PLXNA4: variants seen among roughly 807,000 people sequenced by gnomAD.
PLXNA4 encodes plexin A4.
In PLXNA4, 44 loss-of-function variants were observed where a neutral mutation model predicts 191.8. The ratio of observed to expected loss-of-function variants is 0.23; its 90% CI spans 0.18 to 0.29. The LOEUF (loss-of-function observed/expected upper bound fraction) is 0.29. PLXNA4 is among the 10% of genes least tolerant of loss of function. The probability of loss-of-function intolerance (pLI) is 1.00; values close to 1 mark genes in which losing one functional copy is unlikely to be tolerated. For synonymous variants in PLXNA4, 1,082 were observed against 1,009.5 expected, an observed-to-expected ratio of 1.07 and a Z score of -1.36; for missense variants, 1,800 against 2,488.8, an observed-to-expected ratio of 0.72 and a Z score of 5.89.
chr7:132,491,999 C>T (rs140865307), intron 2 of PLXNA4, among the ~76,000 whole-genome samples: 270 of 152,284 alleles, frequency 1.8e-3, no homozygotes, highest in Middle Eastern at 0.014. Flanking sequence ...GTCCTCGTGG[C>T]CCTTGAATGT....
chr7:132,459,676 A>C (rs182989461), intron 3 of PLXNA4, among the ~76,000 whole-genome samples: 1 of 152,312 alleles, frequency 6.6e-6, no homozygotes, highest in Non-Finnish European at 1.5e-5. Flanking sequence ...CAGCCCAAGC[A>C]GGCACAGACC....
intron 3 of PLXNA4, among the ~76,000 whole-genome samples, chr7:132,467,875 T>G (rs1407938407): frequency 6.6e-6 from 1 of 152,212 alleles, no homozygotes; most frequent in Non-Finnish European, 1.5e-5. Flanking sequence ...TGGGATCCTT[T>G]TGCTGGCTCA....
At chr7:132,203,463 A>G (rs1229079984) in intron 10 of PLXNA4, 44 bp from the exon 11 acceptor site, 1 of 1,517,312 alleles carries the variant, frequency 6.6e-7, no homozygotes, top group East Asian at 2.3e-5. Context: ...GTGGGGTCAC[A>G]GAGAGTTCTA....
chr7:132,647,070 G>A (rs973645764), intron 1 of PLXNA4, among the ~76,000 whole-genome samples: 1 of 150,472 alleles, frequency 6.6e-6, no homozygotes, highest in Admixed American at 6.6e-5. Flanking sequence ...AACACATGCT[G>A]TCATACATTC....
intron 3 of PLXNA4, among the ~76,000 whole-genome samples, chr7:132,448,131 T>C (rs1357424442): frequency 6.6e-6 from 1 of 152,230 alleles, no homozygotes; most frequent in Admixed American, 6.5e-5. Context: ...AGCTACGTTT[T>C]CCTCCCAGGA....
chr7:132,138,936 A>G (rs923833680), intron 30 of PLXNA4, among the ~76,000 whole-genome samples: 3 of 152,156 alleles, frequency 2.0e-5, no homozygotes, highest in African/African-American at 4.8e-5. Flanking sequence ...CACTATCACA[A>G]TGACACTGTG....
chr7:132,133,307 AGGTAGTG>A (rs1222736058), intron 30 of PLXNA4, 108 bp from the exon 31 acceptor site: 3 of 1,520,796 alleles, frequency 2.0e-6, no homozygotes, highest in African/African-American at 1.4e-5. Context: ...CTTGCACTGC[AGGTAGTG>A]GGTACTTGTG....
At chr7:132,474,683 T>G (rs549652788) in intron 3 of PLXNA4, among the ~76,000 whole-genome samples, 1 of 152,238 alleles carries the variant, frequency 6.6e-6, no homozygotes, top group South Asian at 2.1e-4. Context: ...CAGAACTGGT[T>G]AGTGCATCTA....
chr7:132,524,165 C>T (rs1799306477), intron 1 of PLXNA4, among the ~76,000 whole-genome samples: 1 of 152,220 alleles, frequency 6.6e-6, no homozygotes, highest in Admixed American at 6.5e-5. Flanking sequence ...GGCCTTGTAA[C>T]TGTGACGGCC....
At chr7:132,541,657 C>T (rs1800092719) in intron 1 of PLXNA4, among the ~76,000 whole-genome samples, 1 of 152,228 alleles carries the variant, frequency 6.6e-6, no homozygotes, top group African/African-American at 2.4e-5. Flanking sequence ...AAATACCTTG[C>T]CCACGTCAGT....
chr7:132,474,297 A>G (rs1461627051), intron 3 of PLXNA4, among the ~76,000 whole-genome samples: 4 of 151,700 alleles, frequency 2.6e-5, no homozygotes, highest in Non-Finnish European at 5.9e-5. Context: ...TTTGGGAAAG[A>G]CACAAAATTA....
intron 3 of PLXNA4, among the ~76,000 whole-genome samples, chr7:132,447,528 GGA>G (rs1795955377): frequency 1.3e-5 from 2 of 152,078 alleles, no homozygotes; most frequent in African/African-American, 4.8e-5. Flanking sequence ...AAGGGGACTG[GGA>G]TACCATGTTA....
chr7:132,369,424 C>T (rs948412009), intron 3 of PLXNA4, among the ~76,000 whole-genome samples: 1 of 152,104 alleles, frequency 6.6e-6, no homozygotes, highest in Non-Finnish European at 1.5e-5. Flanking sequence ...GAGTGCTGGT[C>T]GATGGCCCCT....
At position 132,645,748 on chromosome 7, in the gene PLXNA4, G is replaced by A. The variant is rs558829407; in HGVS notation, c.-87+180C>T. On this transcript the variant is annotated intron_variant, in intron 2 of 4. Coordinates refer to the PLXNA4 transcript ENST00000378539. ...TTCCACAGTCTCACAGACACAAGTT[G>A]GGAAGAGCACAAAGTGATGGGCACA... Among the ~76,000 whole-genome samples the A allele has an allele frequency of 2.6e-5, 4 of 152,288 alleles. No individual in the cohort carries two copies. In the East Asian group the frequency reaches 7.7e-4, roughly 29 times the overall value.
intron 3 of PLXNA4, among the ~76,000 whole-genome samples, chr7:132,479,495 C>A (rs1283379425): frequency 2.0e-5 from 3 of 152,158 alleles, no homozygotes; most frequent in Admixed American, 2.0e-4. Flanking sequence ...TGCAGCTGTG[C>A]CATAACACAG....
chr7:132,211,596 C>T (rs1026216991), intron 9 of PLXNA4, among the ~76,000 whole-genome samples: 6 of 152,220 alleles, frequency 3.9e-5, no homozygotes, highest in Admixed American at 6.5e-5. Context: ...CCCTGTTCTG[C>T]CCCTGGAATG....
chr7:132,557,554 A>G (rs868618156), intron 1 of PLXNA4, among the ~76,000 whole-genome samples: 1 of 151,566 alleles, frequency 6.6e-6, no homozygotes, highest in African/African-American at 2.4e-5. Flanking sequence ...TTTTTTAAAA[A>G]AAAAAAAGTT....
intron 2 of PLXNA4, among the ~76,000 whole-genome samples, chr7:132,493,739 GTGGATGGGTGGA>G (rs1418816485): frequency 1.5e-4 from 21 of 141,666 alleles, no homozygotes; most frequent in African/African-American, 4.5e-4. Context: ...GGGTGGATGG[GTGGATGGGTGGA>G]TGGATGGATG....
chr7:132,170,872 G>A (rs1264609781), intron 21 of PLXNA4, among the ~76,000 whole-genome samples: 1 of 152,210 alleles, frequency 6.6e-6, no homozygotes, highest in African/African-American at 2.4e-5. Context: ...GGTCCTTGGA[G>A]GGCCAGTTCT....
Sources: allele counts gnomAD v4.1 joint callset (sites outside exome capture counted in the v4.1 genomes callset), GRCh38; gene constraint gnomAD v4.1.1; transcripts MANE v1.5; gene names NCBI Gene and HGNC (gene_info 2026-07-23, HGNC 2026-07-21).